Variants in HERC1 observed in about 807,000 individuals in gnomAD.
HERC1 encodes HECT and RLD domain containing E3 ubiquitin protein ligase family member 1, also known as probable E3 ubiquitin-protein ligase HERC1.
A neutral mutation model predicts 554.3 loss-of-function variants in HERC1; 160 were observed. The observed-to-expected ratio is 0.29, with a 90% CI of 0.25 to 0.33. HERC1 has a LOEUF of 0.33. Among genes scored for constraint, HERC1 ranks in the 10% least tolerant of loss-of-function variants. HERC1 has a pLI of 1.00. For synonymous variants in HERC1, 2,175 were observed against 2,131.7 expected (o/e 1.02, Z -0.56); for missense variants, 4,919 against 5,918.5 (o/e 0.83, Z 5.54).
intron 68 of HERC1, 90 bp from the exon 69 acceptor site, chr15:63,630,725 A>G (rs2068511930): frequency 7.7e-7 from 1 of 1,294,816 alleles, no homozygotes; most frequent in African/African-American, 1.5e-5. Flanking sequence ...TTAGCTTATT[A>G]TGGTGGAATG....
rs960650811 is a variant in HERC1 at position 63,718,017 on chromosome 15, A to C, written c.3978+557T>G. On this transcript the variant is annotated intron_variant, in intron 21 of 77. Transcript: ENST00000443617. The surrounding 1 kb of genome is among the most constrained non-coding windows in gnomAD (Gnocchi z 4.2). ...TCGTCCTAGTTGTGTCCTCCGGAAC[A>C]AGGAAAACATTTATTTCCTCTCTTA... Among the ~76,000 whole-genome samples the C allele has an allele frequency of 1.3e-5, 2 of 152,006 alleles. No homozygotes were observed. Among genetic ancestry groups the C allele is most frequent in the Non-Finnish European group, 2.9e-5 (2 of 68,002 alleles).
intron 18 of HERC1, among the ~76,000 whole-genome samples, chr15:63,724,831 G>A (rs538157017): frequency 6.6e-6 from 1 of 152,226 alleles, no homozygotes; most frequent in East Asian, 1.9e-4. Flanking sequence ...CACTTTAAGT[G>A]GCGAAGAAAA....
intron 8 of HERC1, 83 bp downstream of exon 8, chr15:63,752,875 A>T: frequency 7.8e-7 from 1 of 1,285,348 alleles, no homozygotes; most frequent in Non-Finnish European, 1.1e-6. Context: ...TTTGAACTTT[A>T]AAATTTAAAT....
chr15:63,628,547 G>A (rs2068406782), intron 70 of HERC1, 130 bp downstream of exon 70: 4 of 934,804 alleles, frequency 4.3e-6, no homozygotes, highest in Non-Finnish European at 4.7e-6. Context: ...CACAAAGAAT[G>A]CTTTGTGTGG....
At chr15:63,800,093 CCACTG>C (rs2076931782) in intron 1 of HERC1, among the ~76,000 whole-genome samples, 1 of 152,138 alleles carries the variant, frequency 6.6e-6, no homozygotes, top group Admixed American at 6.5e-5. Flanking sequence ...TGTGATCATG[CCACTG>C]CACTTCAGCC....
At position 63,648,182 on chromosome 15, in the gene HERC1, C is replaced by A. The variant is rs1190179612; in HGVS notation, c.10765G>T (p.Ala3589Ser). Reference protein sequence around the residue: ...YRKDVSVTCIAWFSEDRPFAV... With the variant: ...YRKDVSVTCISWFSEDRPFAV... Reference sequence around the variant, plus strand: ...AATGGTCTGTCTTCACTGAACCATGCAATGCAAGTAACAGACACTAACATG... The same window carrying A: ...AATGGTCTGTCTTCACTGAACCATGAAATGCAAGTAACAGACACTAACATG... The change falls in exon 55 of 78, where the codon GCA becomes TCA. Residue 3589 changes from alanine to serine, a missense_variant. By Grantham distance (99) the Ala-to-Ser change is moderately conservative. This residue lies in a region of HERC1 where 1,963 missense variants were observed against 2,228.6 expected (regional missense o/e 0.88). Transcript: ENST00000443617. 1.2e-6 allele frequency: 2 copies of A among 1,603,782 alleles called. No homozygotes were observed. Among genetic ancestry groups the A allele is most frequent in the African/African-American group, 2.7e-5 (2 of 74,798 alleles).
intron 1 of HERC1, among the ~76,000 whole-genome samples, chr15:63,813,888 G>A (rs1051126214): frequency 3.0e-4 from 45 of 152,084 alleles, no homozygotes; most frequent in Admixed American, 2.7e-3. Flanking sequence ...GTGAAACCCC[G>A]TCTCTACAAA....
Position 63,636,114 on chromosome 15 carries a change from G to T in HERC1, c.12261C>A (p.Ser4087=), listed in dbSNP as rs2068766045. The T allele has an allele frequency of 6.2e-7, 1 of 1,613,612 alleles. No homozygotes were observed. Among genetic ancestry groups the T allele is most frequent in the Non-Finnish European group, 8.5e-7 (1 of 1,179,840 alleles). ...CCATAGAGTGCCCATCAGAACCACA[G>T]GAAGTCACCAGCTGGGTCACCACAA... ...QGFVVTQLVT[S]CGSDGHSMAL... is the part of the protein sequence containing the mutation. Residue 4087 remains serine, a synonymous_variant, in exon 65 of 78, where the codon TCC becomes TCA. Transcript: ENST00000443617.
At chr15:63,616,772 C>T (rs2067836840) in intron 74 of HERC1, 90 bp from the exon 75 acceptor site, 9 of 1,142,872 alleles carry the variant, frequency 7.9e-6, no homozygotes, top group Non-Finnish European at 1.0e-5. Flanking sequence ...TTAGTCTATA[C>T]CTGTACTGTT....
At chr15:63,627,384 C>T (rs2068345290) in intron 70 of HERC1, among the ~76,000 whole-genome samples, 1 of 152,080 alleles carries the variant, frequency 6.6e-6, no homozygotes, top group Admixed American at 6.6e-5. Context: ...AGGGCCTTGT[C>T]CAATAGGCTG....
At chr15:63,662,427 G>T (rs1042552980) in intron 44 of HERC1, among the ~76,000 whole-genome samples, 2 of 152,118 alleles carry the variant, frequency 1.3e-5, no homozygotes, top group African/African-American at 4.8e-5. Flanking sequence ...TTATATAGCA[G>T]ATTCTCTTTC....
chr15:63,654,565 A>G (rs2152903844), intron 50 of HERC1, among the ~76,000 whole-genome samples: 1 of 152,222 alleles, frequency 6.6e-6, no homozygotes, highest in South Asian at 2.1e-4. Flanking sequence ...AAAAATATAC[A>G]TTTTAGGCCA....
At chr15:63,828,089 G>A (rs1036907947) in intron 1 of HERC1, among the ~76,000 whole-genome samples, 27 of 152,154 alleles carry the variant, frequency 1.8e-4, no homozygotes, top group Admixed American at 1.3e-4. Flanking sequence ...CCACTGAATT[G>A]TACACTTTAA....
At position 63,712,893 on chromosome 15, in the gene HERC1, C is replaced by G; in HGVS notation, c.4466G>C (p.Ser1489Thr). 2 of 1,612,004 alleles carry G rather than the reference C, an allele frequency of 1.2e-6. No homozygotes were observed. The highest frequency in any genetic ancestry group is 1.7e-6 in the Non-Finnish European group (2 of 1,179,244). The part of the protein sequence containing the change: ...ASEGGGLMTR[S>T]ESLTAESRLV... ...CCGGCTCTCTGCAGTAAGACTTTCA[C>G]TCCTGTCTCACATGTACAAAAAAAA... The change falls in exon 24 of 78, where the codon AGT becomes ACT. Residue 1489 changes from serine (S) to threonine (T), a missense_variant and splice_region_variant. By Grantham distance (58) the Ser-to-Thr change is moderately conservative. This residue lies in a region of HERC1 where 1,121 missense variants were observed against 1,244.0 expected (regional missense o/e 0.90). Transcript: ENST00000443617.
intron 1 of HERC1, among the ~76,000 whole-genome samples, chr15:63,795,368 G>C (rs1392364808): frequency 6.6e-6 from 1 of 152,126 alleles, no homozygotes; most frequent in African/African-American, 2.4e-5. Flanking sequence ...AATAAAAACA[G>C]ATTTCAGAAA....
At chr15:63,747,966 C>T in intron 10 of HERC1, 108 bp from the exon 11 acceptor site, 1 of 1,096,238 alleles carries the variant, frequency 9.1e-7, no homozygotes, top group Non-Finnish European at 1.3e-6. Flanking sequence ...TGGCTCATGC[C>T]TGTAATCCTA....
chr15:63,781,133 T>C lies in HERC1; in HGVS notation c.-26-5484A>G, dbSNP rs185382101. Reference sequence around the variant, plus strand: ...TGAACAGTATAATCACTAATAAAACTGTCACAAACAGTTTTATTTTACTAC... The same window carrying C: ...TGAACAGTATAATCACTAATAAAACCGTCACAAACAGTTTTATTTTACTAC... On this transcript the variant is annotated intron_variant, in intron 1 of 77. Transcript: ENST00000443617. 3.7e-4 allele frequency among the ~76,000 whole-genome samples: 57 copies of C among 152,242 alleles called. No homozygotes were observed. In the East Asian group the frequency reaches 7.3e-3, roughly 20 times the overall value.
At position 63,663,131 on chromosome 15, in the gene HERC1, T is replaced by C. The variant is rs1425406506; in HGVS notation, c.8754A>G (p.Pro2918=). The change falls in exon 44 of 78, where the codon CCA becomes CCG. Residue 2918 remains proline (P), a synonymous_variant. Transcript: ENST00000443617. ...RREGISLQQD[P]GALYDFNLDE... ...CTAAATTAAAGTCATACAACGCCCC[T>C]GGGTCTTGCTGCAAAGATATTCCTT... 3.7e-6 allele frequency: 6 copies of C among 1,613,880 alleles called. No individual in the cohort carries two copies. Among genetic ancestry groups the C allele is most frequent in the Middle Eastern group, 3.3e-4 (2 of 6,084 alleles).
At chr15:63,634,601 A>G in intron 66 of HERC1, 132 bp downstream of exon 66, 9 of 655,106 alleles carry the variant, frequency 1.4e-5, no homozygotes, top group South Asian at 5.0e-5. Flanking sequence ...AAAATTATCA[A>G]TTAGACCATA....
Sources: allele counts gnomAD v4.1 joint callset (sites outside exome capture counted in the v4.1 genomes callset), GRCh38; gene constraint gnomAD v4.1.1; regional missense constraint gnomAD v4.1.1; non-coding constraint Gnocchi (gnomAD v3.1); transcripts MANE v1.5; gene names NCBI Gene and HGNC (gene_info 2026-07-23, HGNC 2026-07-21).